The following PPFIA2 variants were observed in gnomAD, a reference collection of about 807,000 sequenced individuals.
PPFIA2 encodes the protein PPFI scaffold protein A2.
PPFIA2 carries 46 observed loss-of-function variants against 175.5 expected under a neutral mutation model. The ratio of observed to expected loss-of-function variants is 0.26; its 90% confidence interval spans 0.21 to 0.34. PPFIA2 has a LOEUF of 0.34. Ranked by LOEUF, PPFIA2 falls within the 10% of genes least tolerant of loss-of-function variation. The pLI is 1.00. For synonymous variants in PPFIA2, 568 were observed against 511.4 expected, an observed-to-expected ratio of 1.11 and a Z score of -1.49; for missense variants, 1,179 against 1,506.1, an observed-to-expected ratio of 0.78 and a Z score of 3.60.
intron 4 of PPFIA2, among the ~76,000 whole-genome samples, chr12:81,588,043 T>C (rs573592070): frequency 1.3e-5 from 2 of 151,984 alleles, no homozygotes; most frequent in Non-Finnish European, 2.9e-5. Context: ...GAATTCCCAA[T>C]CTAGTGGTGC....
chr12:81,319,003 G>T (rs1326066762), intron 22 of PPFIA2, among the ~76,000 whole-genome samples: 2 of 151,462 alleles, frequency 1.3e-5, no homozygotes, highest in Non-Finnish European at 3.0e-5. Context: ...AGATAAATAA[G>T]AATTTATTTA....
chr12:81,663,648 A>G (rs1041245382), intron 4 of PPFIA2, among the ~76,000 whole-genome samples: 14 of 152,230 alleles, frequency 9.2e-5, no homozygotes, highest in African/African-American at 3.4e-4. Flanking sequence ...CATTCCCATC[A>G]AGCTACCAAT....
At chr12:81,386,880 A>C (rs534764011) in intron 8 of PPFIA2, among the ~76,000 whole-genome samples, 4 of 152,184 alleles carry the variant, frequency 2.6e-5, no homozygotes, top group Non-Finnish European at 2.9e-5. Context: ...TTTCAATGTA[A>C]TGCAAATTTT....
chr12:81,667,231 C>G (rs758268344), intron 4 of PPFIA2, among the ~76,000 whole-genome samples: 3 of 152,070 alleles, frequency 2.0e-5, no homozygotes, highest in Non-Finnish European at 4.4e-5. Context: ...TTTGAAACCT[C>G]TATTTTACAT....
At chr12:81,688,626 C>G (rs972130602) in intron 3 of PPFIA2, among the ~76,000 whole-genome samples, 1 of 150,688 alleles carries the variant, frequency 6.6e-6, no homozygotes, top group Non-Finnish European at 1.5e-5. Context: ...GGAGATTAGC[C>G]TATCGGAAGT....
At chr12:81,319,649 T>C (rs1373180112) in intron 22 of PPFIA2, among the ~76,000 whole-genome samples, 3 of 151,906 alleles carry the variant, frequency 2.0e-5, no homozygotes, top group African/African-American at 7.2e-5. Flanking sequence ...CAAGCACAAA[T>C]ATCTGTTCCA....
chr12:81,450,464 C>T (rs558227577), intron 5 of PPFIA2, among the ~76,000 whole-genome samples: 4 of 152,226 alleles, frequency 2.6e-5, no homozygotes, highest in Admixed American at 6.5e-5. Context: ...TCGTATCCTT[C>T]GCCCACTTTT....
chr12:81,403,988 G>A lies in PPFIA2; in HGVS notation c.762+1799C>T, dbSNP rs575547844. ...TCCTGCTCTAAAACTTTCCTGCCCT[G>A]AAACTTGCCTTGGTCTCTCCCTTTG... On this transcript the variant is annotated intron_variant, in intron 8 of 32. Coordinates refer to ENST00000549396, the MANE Select transcript of PPFIA2 (RefSeq NM_003625.5). Among the ~76,000 whole-genome samples the A allele has an allele frequency of 2.6e-5, 4 of 152,188 alleles. No homozygotes were observed. In the South Asian group the frequency reaches 8.3e-4, roughly 32 times the overall value.
rs149501832 is a variant in PPFIA2, at chr12:81,387,427, T to A, written c.763-3183A>T. On this transcript the variant is annotated intron_variant, in intron 8 of 32. Transcript: ENST00000549396. ...AGAAGAATGAGAAGAACAGAAAGCA[T>A]CATGAAAGCAGTGAGAAAGATAAAA... Among the ~76,000 whole-genome samples the A allele has an allele frequency of 3.7e-3, 564 of 152,034 alleles. 1 individual carries two copies. The highest frequency in any genetic ancestry group is 0.013 in the African/African-American group (534 of 41,482).
At chr12:81,395,532 G>A (rs886780256) in intron 8 of PPFIA2, among the ~76,000 whole-genome samples, 1 of 146,612 alleles carries the variant, frequency 6.8e-6, no homozygotes. Flanking sequence ...ATCTGTCTCT[G>A]ACCTTCCTCT....
chr12:81,502,997 A>G (rs1329682173), intron 4 of PPFIA2, among the ~76,000 whole-genome samples: 1 of 152,104 alleles, frequency 6.6e-6, no homozygotes, highest in Non-Finnish European at 1.5e-5. Context: ...AGACAGAGGA[A>G]GAGAAAGAGA....
chr12:81,477,984 G>C (rs939286868), intron 4 of PPFIA2, among the ~76,000 whole-genome samples: 1 of 152,038 alleles, frequency 6.6e-6, no homozygotes, highest in African/African-American at 2.4e-5. Context: ...AGAAGGGATG[G>C]TACCAGCTCC....
intron 4 of PPFIA2, among the ~76,000 whole-genome samples, chr12:81,625,129 A>C (rs939881412): frequency 1.5e-4 from 23 of 151,882 alleles, no homozygotes; most frequent in Admixed American, 1.1e-3. Context: ...TAAATTATAC[A>C]TATGTGTGTA....
intron 5 of PPFIA2, among the ~76,000 whole-genome samples, chr12:81,454,060 A>G (rs1008325836): frequency 6.6e-6 from 1 of 152,060 alleles, no homozygotes; most frequent in Non-Finnish European, 1.5e-5. Flanking sequence ...TCTACAAAAA[A>G]TAACAGAAAT....
intron 17 of PPFIA2, among the ~76,000 whole-genome samples, chr12:81,349,169 C>A (rs2059592179): frequency 6.6e-6 from 1 of 152,188 alleles, no homozygotes; most frequent in Non-Finnish European, 1.5e-5. Context: ...TCTTCACTAA[C>A]TATTCTGCAA....
At chr12:81,584,836 CA>C (rs1199281795) in intron 4 of PPFIA2, among the ~76,000 whole-genome samples, 2 of 120,658 alleles carry the variant, frequency 1.7e-5, no homozygotes, top group East Asian at 4.5e-4. Flanking sequence ...ATTATATTTA[CA>C]TATTTTATAA....
chr12:81,347,495 T>C (rs1185903008), intron 18 of PPFIA2, 38 bp downstream of exon 18: 1 of 1,517,164 alleles, frequency 6.6e-7, no homozygotes, highest in Admixed American at 1.7e-5. Flanking sequence ...TCATTAATCT[T>C]AACAGGAGGC....
intron 4 of PPFIA2, among the ~76,000 whole-genome samples, chr12:81,493,872 T>G (rs1434099280): frequency 1.3e-5 from 2 of 150,024 alleles, no homozygotes; most frequent in Non-Finnish European, 3.0e-5. Flanking sequence ...AGATGCTGTT[T>G]TCTCAGAGAA....
chr12:81,499,668 T>C (rs151051055), intron 4 of PPFIA2, among the ~76,000 whole-genome samples: 252 of 152,226 alleles, frequency 1.7e-3, no homozygotes, highest in African/African-American at 5.6e-3. Flanking sequence ...TGGACTTCAG[T>C]AGAATTTAAA....
Sources: allele counts gnomAD v4.1 joint callset (sites outside exome capture counted in the v4.1 genomes callset), GRCh38; gene constraint gnomAD v4.1.1; transcripts MANE v1.5; gene names NCBI Gene and HGNC (gene_info 2026-07-23, HGNC 2026-07-21).